DSG1: variants seen among roughly 807,000 people sequenced by gnomAD.
DSG1 encodes desmoglein 1.
In DSG1, 39 loss-of-function variants were observed where a neutral mutation model predicts 97.5. The observed-to-expected ratio is 0.40, with a 90% confidence interval of 0.31 to 0.52. The LOEUF is 0.52. Among genes scored for constraint, DSG1 ranks in the 20% least tolerant of loss-of-function variants. The probability of loss-of-function intolerance (pLI) is 0.53; values close to 1 mark genes in which losing one functional copy is unlikely to be tolerated. For missense variants in DSG1, 1,311 were observed against 1,295.4 expected, an observed-to-expected ratio of 1.01 and a Z score of -0.18; for synonymous variants, 475 against 443.4, an observed-to-expected ratio of 1.07 and a Z score of -0.90.
intron 14 of DSG1, among the ~76,000 whole-genome samples, chr18:31,352,571 A>C (rs1285394855): frequency 6.7e-6 from 1 of 150,098 alleles, no homozygotes; most frequent in African/African-American, 2.5e-5. Flanking sequence ...GTGTTTTCCA[A>C]CTTGGTTCCA....
Position 31,330,011 on chromosome 18 carries a change from A to T in DSG1, c.492A>T (p.Gly164=). 6.2e-7 allele frequency: 1 copy of T among 1,613,250 alleles called. No individual in the cohort carries two copies. Among genetic ancestry groups the T allele is most frequent in the South Asian group, 1.1e-5 (1 of 91,080 alleles). ...TGTTTTCAATGGCTACATTTGCAGG[A>T]CAAATAGAAGAAAATTCTAATGCAA... ...PPVFSMATFA[G]QIEENSNANT... is the part of the protein sequence containing the mutation. The change falls in exon 5 of 15, where the codon GGA becomes GGT. Residue 164 remains glycine (G), a synonymous_variant. Coordinates refer to ENST00000257192, the MANE Select transcript of DSG1 (RefSeq NM_001942.4).
In DSG1 at chr18:31,355,405, A is replaced by G. The variant is rs910980937; in HGVS notation, c.*59A>G. On this transcript the variant is annotated 3_prime_UTR_variant, in exon 15 of 15. Coordinates refer to ENST00000257192, the MANE Select transcript of DSG1 (RefSeq NM_001942.4). ...TGGTTTAGATCCAATTCCCACCACT[A>G]AAAAACCAACAATGTGATTTATAAC... 94 of 1,541,066 alleles carry G rather than the reference A, an allele frequency of 6.1e-5. No homozygotes were observed. Among genetic ancestry groups the G allele is most frequent in the Non-Finnish European group, 3.6e-6 (4 of 1,119,958 alleles).
chr18:31,341,665 A>G (rs560182119), intron 11 of DSG1, among the ~76,000 whole-genome samples: 1 of 152,222 alleles, frequency 6.6e-6, no homozygotes, highest in Non-Finnish European at 1.5e-5. Context: ...AAAGAGAGAA[A>G]GAAAAAAGCA....
chr18:31,337,238 G>T (rs73408320), intron 9 of DSG1, among the ~76,000 whole-genome samples: 4,843 of 151,878 alleles, frequency 0.032, 281 homozygotes, highest in African/African-American at 0.11. Context: ...TTGTTTGGGG[G>T]TTTTTTGTTT....
chr18:31,328,459 T>A, intron 4 of DSG1, 115 bp downstream of exon 4: 1 of 1,064,956 alleles, frequency 9.4e-7, no homozygotes. Context: ...CATTTTTGGT[T>A]GTTTCTTAAT....
intron 1 of DSG1, 100 bp downstream of exon 1, chr18:31,318,448 C>A: frequency 2.2e-6 from 2 of 928,832 alleles, no homozygotes; most frequent in South Asian, 1.3e-5. Context: ...AACCTAAACC[C>A]ATTGAAAATG....
intron 11 of DSG1, among the ~76,000 whole-genome samples, chr18:31,342,994 T>G (rs964253964): frequency 6.6e-6 from 1 of 150,574 alleles, no homozygotes; most frequent in African/African-American, 2.4e-5. Flanking sequence ...TTGAGCAGCC[T>G]CAACCTCCCT....
In DSG1 at chr18:31,346,114, C is replaced by T. The variant is rs1216868172; in HGVS notation, c.2016C>T (p.Tyr672=). 1 of 1,613,818 alleles carries T rather than the reference C, an allele frequency of 6.2e-7. No individual in the cohort carries two copies. The change falls in exon 14 of 15, where the codon TAC becomes TAT. Residue 672 remains tyrosine (Y), a synonymous_variant. Transcript: ENST00000257192. ...GAATGCCTGAGATATGTCAAGAATA[C>T]TCTGGAACATTAAGAAGAAATTCTA... ...TSGMPEICQE[Y]SGTLRRNSMR... is the part of the protein sequence containing the mutation.
chr18:31,344,804 C>A (rs1163849657), intron 13 of DSG1, among the ~76,000 whole-genome samples: 1 of 152,166 alleles, frequency 6.6e-6, no homozygotes, highest in Non-Finnish European at 1.5e-5. Flanking sequence ...ATAGTTGTAT[C>A]ACATTACTTT....
At chr18:31,351,915 C>T (rs1295604531) in intron 14 of DSG1, among the ~76,000 whole-genome samples, 2 of 151,128 alleles carry the variant, frequency 1.3e-5, no homozygotes, top group Admixed American at 1.3e-4. Context: ...GGTCTTGACT[C>T]TTTATCCAAT....
rs2071775961 is a variant in DSG1, at chr18:31,339,690, C to T, written c.1406-54C>T. 21 of 1,378,608 alleles carry T rather than the reference C, an allele frequency of 1.5e-5. No homozygotes were observed. In the South Asian group the frequency reaches 2.4e-4, roughly 16 times the overall value. The allele number at this position is 1,378,608 out of a possible 1,614,324, so 85.4% of individuals were successfully genotyped here. A position where few individuals can be genotyped will look rare whatever the true frequency, so the allele number is the denominator to read the frequency against. ...TAAAAAATAATTCTGTGTTGTCCAACCATTCCTACACTAAATGTCTAAAAT... is the reference window on the plus strand; with the variant it reads ...TAAAAAATAATTCTGTGTTGTCCAATCATTCCTACACTAAATGTCTAAAAT... On this transcript the variant is annotated intron_variant, in intron 10 of 14. Coordinates refer to ENST00000257192, the MANE Select transcript of DSG1 (RefSeq NM_001942.4).
chr18:31,329,921 C>A lies in DSG1; in HGVS notation c.402C>A (p.Gly134=). Residue 134 remains glycine, a synonymous_variant, in exon 5 of 15, where the codon GGC becomes GGA. Coordinates refer to ENST00000257192, the MANE Select transcript of DSG1 (RefSeq NM_001942.4). The part of the protein sequence containing the change: ...IIYCRALNSM[G]QDLERPLELR... Reference sequence around the variant, plus strand: ...ACTGCCGAGCTCTGAACTCAATGGGCCAAGATTTAGAGAGGCCTCTAGAGC... The same window carrying A: ...ACTGCCGAGCTCTGAACTCAATGGGACAAGATTTAGAGAGGCCTCTAGAGC... The A allele has an allele frequency of 1.2e-6, 2 of 1,613,222 alleles. No individual in the cohort carries two copies. Among genetic ancestry groups the A allele is most frequent in the Non-Finnish European group, 1.7e-6 (2 of 1,179,358 alleles).
chr18:31,345,970 A>C lies in DSG1; in HGVS notation c.1892-20A>C. The stretch of plus-strand genomic sequence containing the variant: ...ATGATAGACTAAAGAAAATAAATTT[A>C]ATTTGATCAACACTTTTAGGAGTTT... On this transcript the variant is annotated intron_variant, in intron 13 of 14. Transcript: ENST00000257192. 1 of 1,599,828 alleles carries C rather than the reference A, an allele frequency of 6.3e-7. No individual in the cohort carries two copies. The highest frequency in any genetic ancestry group is 8.6e-7 in the Non-Finnish European group (1 of 1,168,476).
Position 31,355,310 on chromosome 18 carries a change from A to G in DSG1, c.3114A>G (p.Arg1038=). 1 of 1,614,230 alleles carries G rather than the reference A, an allele frequency of 6.2e-7. No homozygotes were observed. Reference sequence around the variant, plus strand: ...CCTCCCCTAGCACAGCTCGAAGTCGAATCACAAAGTATAGTACCGTGCAAT... The same window carrying G: ...CCTCCCCTAGCACAGCTCGAAGTCGGATCACAAAGTATAGTACCGTGCAAT... The part of the protein sequence containing the change: ...GSASPSTARS[R]ITKYSTVQYS... Residue 1038 remains arginine (R), a synonymous_variant, in exon 15 of 15, where the codon CGA becomes CGG. Coordinates refer to ENST00000257192, the MANE Select transcript of DSG1 (RefSeq NM_001942.4).
intron 8 of DSG1, among the ~76,000 whole-genome samples, chr18:31,334,656 A>G (rs2071740947): frequency 6.6e-6 from 1 of 152,264 alleles, no homozygotes; most frequent in African/African-American, 2.4e-5. Context: ...GTTTTCATAA[A>G]ATTTAAGTTA....
In DSG1 at chr18:31,339,738, T is replaced by C. The variant is rs770534334; in HGVS notation, c.1406-6T>C. ...AATATTTCTTCCATTTTGAACGTTA[T>C]TACAGATAATCTTCAAAGAACTTGC... On this transcript the variant is annotated splice_region_variant and splice_polypyrimidine_tract_variant and intron_variant, in intron 10 of 14. Coordinates refer to ENST00000257192, the MANE Select transcript of DSG1 (RefSeq NM_001942.4). The C allele has an allele frequency of 1.2e-6, 2 of 1,602,840 alleles. No homozygotes were observed. The highest frequency in any genetic ancestry group is 1.3e-5 in the African/African-American group (1 of 74,622).
rs144199555 is a variant in DSG1 at position 31,355,302 on chromosome 18, C to T, written c.3106C>T (p.Arg1036Ter). Residue 1036 changes from arginine to a stop codon, truncating the protein, a stop_gained, in exon 15 of 15, where the codon CGA becomes TGA. Coordinates refer to ENST00000257192, the MANE Select transcript of DSG1 (RefSeq NM_001942.4). LOFTEE classifies it high-confidence loss of function. ...TGGGTCCGCCTCCCCTAGCACAGCT[C>T]GAAGTCGAATCACAAAGTATAGTAC... Reference protein sequence around the residue: ...TIGSASPSTARSRITKYSTVQ... With the variant: ...TIGSASPSTA 70 of 1,614,166 alleles carry T rather than the reference C, an allele frequency of 4.3e-5. 1 individual carries two copies. The highest frequency in any genetic ancestry group is 3.3e-4 in the Middle Eastern group (2 of 6,062).
In DSG1 at chr18:31,338,341, A is replaced by G. The variant is rs567722533; in HGVS notation, c.1292A>G (p.Asp431Gly). ...VRYVMGNNPA[D>G]LLAVDSRTGK... ...TATGTAATGGGAAATAATCCAGCTG[A>G]CCTGCTAGCTGTTGATTCAAGAACA... The change falls in exon 10 of 15, where the codon GAC becomes GGC. Residue 431 changes from aspartate to glycine, a missense_variant. Coordinates refer to ENST00000257192, the MANE Select transcript of DSG1 (RefSeq NM_001942.4). 4.3e-6 allele frequency: 7 copies of G among 1,613,812 alleles called. No individual in the cohort carries two copies. In the Admixed American group the frequency reaches 1.2e-4, roughly 27 times the overall value.
chr18:31,337,835 G>A (rs1216682240), intron 9 of DSG1, among the ~76,000 whole-genome samples: 5 of 152,246 alleles, frequency 3.3e-5, no homozygotes, highest in Non-Finnish European at 7.3e-5. Flanking sequence ...CAAGGCCTTA[G>A]TTTGGAATTC....
Sources: gnomAD v4.1 joint callset for allele counts (sites outside exome capture counted in the v4.1 genomes callset) on GRCh38, gnomAD v4.1.1 for gene constraint, MANE v1.5 for transcripts, NCBI Gene and HGNC (gene_info 2026-07-23, HGNC 2026-07-21) for gene names.